Variants in SMG5 observed in about 807,000 individuals in gnomAD.
The protein encoded by SMG5 is nonsense-mediated mRNA decay factor SMG5.
Under a neutral mutation model 122.9 loss-of-function variants are expected in SMG5, and 53 were observed. The ratio of observed to expected loss-of-function variants is 0.43; its 90% CI spans 0.35 to 0.54. SMG5 has a LOEUF of 0.54. SMG5 is among the 20% of genes least tolerant of loss of function. The pLI, the probability that SMG5 is intolerant of heterozygous loss-of-function variation, is 0.01. For synonymous variants in SMG5, 477 were observed against 490.2 expected, an observed-to-expected ratio of 0.97 and a Z score of 0.35; for missense variants, 1,153 against 1,285.6, an observed-to-expected ratio of 0.90 and a Z score of 1.58.
Position 156,274,757 on chromosome 1 carries a change from T to A in SMG5, c.455-71A>T. 3.2e-6 allele frequency: 4 copies of A among 1,265,048 alleles called. No homozygotes were observed. In the South Asian group the frequency reaches 4.8e-5, roughly 15 times the overall value. The allele number at this position is 1,265,048 out of a possible 1,614,324, so 78.4% of individuals were successfully genotyped here. ...TCCCGCACCTATGAAGAAATACCCC[T>A]CCGAGATGTAGAGACTAAGAATCCA... On this transcript the variant is annotated intron_variant, in intron 4 of 21. Transcript: ENST00000361813.
chr1:156,291,283 C>T, the SMG5 span: 2 of 1,027,168 alleles, frequency 1.9e-6, no homozygotes, highest in Non-Finnish European at 3.0e-6. Flanking sequence ...TACCCACCAA[C>T]TGCATCTGCC....
At chr1:156,261,499 G>T in intron 13 of SMG5, 91 bp from the exon 14 acceptor site, 1 of 1,083,152 alleles carries the variant, frequency 9.2e-7, no homozygotes, top group Non-Finnish European at 1.4e-6. Context: ...GAGGGATCTG[G>T]CCTATGTTCA....
At chr1:156,274,832 G>C in intron 4 of SMG5, 146 bp from the exon 5 acceptor site, 1 of 639,284 alleles carries the variant, frequency 1.6e-6, no homozygotes, top group South Asian at 1.6e-5. Context: ...ACTCATCCAG[G>C]ACACAGGGAG....
chr1:156,257,004 G>C (rs1455385567), intron 16 of SMG5, among the ~76,000 whole-genome samples: 1 of 148,744 alleles, frequency 6.7e-6, no homozygotes, highest in Non-Finnish European at 1.5e-5. Context: ...TTGACTCACT[G>C]CAACATCTGC....
chr1:156,287,702 C>T (rs1663209123), upstream of SMG5, among the ~76,000 whole-genome samples: 1 of 150,414 alleles, frequency 6.6e-6, no homozygotes, highest in African/African-American at 2.4e-5. Flanking sequence ...CTACAATCTC[C>T]ACCTACTGGG....
chr1:156,266,767 A>G, intron 10 of SMG5, 89 bp from the exon 11 acceptor site: 1 of 1,429,778 alleles, frequency 7.0e-7, no homozygotes, highest in East Asian at 2.4e-5. Flanking sequence ...TCTGTTCTCA[A>G]CTCTTCCAAG....
At chr1:156,255,489 A>C (rs1045815677) in intron 16 of SMG5, among the ~76,000 whole-genome samples, 4 of 152,244 alleles carry the variant, frequency 2.6e-5, no homozygotes, top group Non-Finnish European at 2.9e-5. Flanking sequence ...TGGTGAGCCA[A>C]GATCACACCA....
Position 156,259,137 on chromosome 1 carries a change from G to A in SMG5, c.2310C>T (p.Arg770=). The change falls in exon 16 of 22, where the codon CGC becomes CGT. Residue 770 remains arginine, a synonymous_variant. Transcript: ENST00000361813. ...GGCGGGCGATGAAATGACCAAAGCT[G>A]CGGATGCAGCAGATGCGCACCACTG... ...EESVVRICCI[R]SFGHFIARLQ... 3.8e-6 allele frequency: 6 copies of A among 1,598,370 alleles called. No individual in the cohort carries two copies. The highest frequency in any genetic ancestry group is 5.1e-6 in the Non-Finnish European group (6 of 1,172,544).
upstream of SMG5, among the ~76,000 whole-genome samples, chr1:156,287,739 C>A (rs2101590329): frequency 6.6e-6 from 1 of 151,892 alleles, no homozygotes; most frequent in Non-Finnish European, 1.5e-5. Flanking sequence ...GCCTCAGCCT[C>A]CCGCGTAGCT....
Position 156,255,911 on chromosome 1 carries a change from GA to G in SMG5, c.2443-2404del, listed in dbSNP as rs1319136332. ...AGAGCAAGACCCTGTCTCAAAAAAA[GA>G]AAAAAAATTCTCATTCTCATCATGA... On this transcript the variant is annotated intron_variant, in intron 16 of 21. Transcript: ENST00000361813. Among the ~76,000 whole-genome samples, 9 of 151,398 alleles carry G rather than the reference GA, an allele frequency of 5.9e-5. No individual in the cohort carries two copies. In the South Asian group the frequency reaches 1.9e-3, roughly 32 times the overall value.
At chr1:156,275,298 C>G (rs919515012) in intron 4 of SMG5, among the ~76,000 whole-genome samples, 2 of 152,138 alleles carry the variant, frequency 1.3e-5, no homozygotes, top group Admixed American at 6.6e-5. Flanking sequence ...GCTTGCCCTG[C>G]CTGAGGCTGC....
Position 156,250,963 on chromosome 1 carries a change from C to T in SMG5, c.2862G>A (p.Gln954=), listed in dbSNP as rs763029460. The T allele has an allele frequency of 6.2e-7, 1 of 1,613,906 alleles. No individual in the cohort carries two copies. Among genetic ancestry groups the T allele is most frequent in the Non-Finnish European group, 8.5e-7 (1 of 1,179,952 alleles). ...CACCTGCCCCCTGGGCCAGAGTCAG[C>T]TGTTTGCAGCTGTCTAGGATCTTAT... ...TLYKILDSCK[Q]LTLAQGAGEE... Residue 954 remains glutamine, a synonymous_variant, in exon 21 of 22, where the codon CAG becomes CAA. Transcript: ENST00000361813.
intron 4 of SMG5, among the ~76,000 whole-genome samples, chr1:156,276,290 C>A (rs1427258948): frequency 2.6e-5 from 4 of 152,038 alleles, no homozygotes; most frequent in Non-Finnish European, 5.9e-5. Flanking sequence ...CCATGCCCAG[C>A]TAATTTTTAT....
At chr1:156,286,238 CCT>C (rs1395940660), upstream of SMG5, 2 of 1,612,058 alleles carry the variant, frequency 1.2e-6, no homozygotes, top group Non-Finnish European at 1.7e-6. Flanking sequence ...CTGACCCTAC[CCT>C]GTTTCCCAAC....
intron 16 of SMG5, 112 bp downstream of exon 16, chr1:156,258,893 A>ATCT: frequency 7.6e-7 from 1 of 1,320,774 alleles, no homozygotes; most frequent in Non-Finnish European, 1.0e-6. Context: ...CTCCCTAGGC[A>ATCT]TCTTACTATG....
intron 16 of SMG5, among the ~76,000 whole-genome samples, chr1:156,255,099 T>C (rs1661520318): frequency 6.7e-6 from 1 of 148,714 alleles, no homozygotes; most frequent in South Asian, 2.1e-4. Context: ...TCAAAATAAA[T>C]AAACAAAATA....
At chr1:156,285,850 C>T, upstream of SMG5, 1 of 1,613,718 alleles carries the variant, frequency 6.2e-7, no homozygotes, top group Non-Finnish European at 8.5e-7. Context: ...GAGCCGCACT[C>T]ATTCTCTTCC....
upstream of SMG5, among the ~76,000 whole-genome samples, chr1:156,286,784 C>T (rs181629231): frequency 6.2e-4 from 94 of 152,344 alleles, 2 homozygotes; most frequent in Middle Eastern, 0.014. Flanking sequence ...TGGTTGAACA[C>T]CCCCTGTAAC....
At chr1:156,250,752 T>C in intron 21 of SMG5, 82 bp from the exon 22 acceptor site, 1 of 1,598,740 alleles carries the variant, frequency 6.3e-7, no homozygotes, top group Non-Finnish European at 8.6e-7. Flanking sequence ...GGGGAAGGAG[T>C]GATGGAAGAG....
Sources: allele counts gnomAD v4.1 joint callset (sites outside exome capture counted in the v4.1 genomes callset), GRCh38; gene constraint gnomAD v4.1.1; transcripts MANE v1.5; gene names NCBI Gene and HGNC (gene_info 2026-07-23, HGNC 2026-07-21).